The following WWC1 variants were observed in gnomAD, a reference collection of about 807,000 sequenced individuals.
The protein encoded by WWC1 is protein KIBRA.
WWC1 carries 55 observed loss-of-function variants against 138.4 expected under a neutral mutation model. The ratio of observed to expected loss-of-function variants is 0.40; its 90% CI spans 0.32 to 0.50. The LOEUF (loss-of-function observed/expected upper bound fraction) is 0.50, where lower values mean the gene tolerates loss of function less well. Ranked by LOEUF, WWC1 falls within the 20% of genes least tolerant of loss-of-function variation. The probability of loss-of-function intolerance (pLI) is 0.72; values close to 1 mark genes in which losing one functional copy is unlikely to be tolerated. For synonymous variants in WWC1, 524 were observed against 564.9 expected, an observed-to-expected ratio of 0.93 and a Z score of 1.03; for missense variants, 1,226 against 1,420.4, an observed-to-expected ratio of 0.86 and a Z score of 2.20.
chr5:168,390,816 T>C (rs1778429225), intron 3 of WWC1, among the ~76,000 whole-genome samples: 1 of 152,214 alleles, frequency 6.6e-6, no homozygotes, highest in Admixed American at 6.5e-5. Flanking sequence ...TCTAGCTCCA[T>C]GGGGAAGAAG....
At chr5:168,439,649 C>A (rs561228372) in intron 15 of WWC1, among the ~76,000 whole-genome samples, 1 of 149,026 alleles carries the variant, frequency 6.7e-6, no homozygotes, top group African/African-American at 2.5e-5. Context: ...AAAAAAAAAT[C>A]TTTCGCTATT....
chr5:168,416,580 G>C (rs1308207053), intron 9 of WWC1: 1 of 152,182 alleles, frequency 6.6e-6, no homozygotes, highest in Non-Finnish European at 1.5e-5. Context: ...CTTGCTCCCA[G>C]ACCCTGTAAT....
At chr5:168,356,434 C>A (rs1212428651) in intron 1 of WWC1, among the ~76,000 whole-genome samples, 1 of 152,182 alleles carries the variant, frequency 6.6e-6, no homozygotes, top group Non-Finnish European at 1.5e-5. Flanking sequence ...GTGTTGGTGT[C>A]CATAGGAAAA....
At chr5:168,442,926 G>A (rs1349454404) in intron 16 of WWC1, among the ~76,000 whole-genome samples, 1 of 151,862 alleles carries the variant, frequency 6.6e-6, no homozygotes, top group Non-Finnish European at 1.5e-5. Flanking sequence ...AGCGCAGTAC[G>A]CTTTAATGTA....
At chr5:168,452,531 T>C (rs1755924849) in intron 17 of WWC1, among the ~76,000 whole-genome samples, 1 of 152,232 alleles carries the variant, frequency 6.6e-6, no homozygotes, top group Admixed American at 6.5e-5. Context: ...TCAAACCTGC[T>C]GACACCTTGA....
intron 1 of WWC1, among the ~76,000 whole-genome samples, chr5:168,333,786 G>A (rs1382774685): frequency 6.6e-6 from 1 of 152,008 alleles, no homozygotes; most frequent in Non-Finnish European, 1.5e-5. Flanking sequence ...TCTATGCTGA[G>A]GACTCAGAAA....
At chr5:168,338,082 G>A (rs1161994970) in intron 1 of WWC1, among the ~76,000 whole-genome samples, 3 of 152,028 alleles carry the variant, frequency 2.0e-5, no homozygotes, top group East Asian at 2.0e-4. Context: ...AGGCCAAGGT[G>A]GGCAGATCAC....
chr5:168,369,763 C>T (rs565577998), intron 1 of WWC1, among the ~76,000 whole-genome samples: 2 of 152,268 alleles, frequency 1.3e-5, no homozygotes, highest in South Asian at 2.1e-4. Flanking sequence ...CCAGCTGGGG[C>T]TCTTTCAGCA....
intron 17 of WWC1, among the ~76,000 whole-genome samples, chr5:168,450,554 T>C (rs537811111): frequency 6.6e-6 from 1 of 152,058 alleles, no homozygotes; most frequent in Non-Finnish European, 1.5e-5. Flanking sequence ...TAATCCCAGC[T>C]ACTCGGGAGG....
chr5:168,408,028 A>ATTTTTT (rs1181472544), intron 6 of WWC1, among the ~76,000 whole-genome samples: 7 of 117,448 alleles, frequency 6.0e-5, no homozygotes, highest in African/African-American at 1.3e-4. Flanking sequence ...ACATCCAGCT[A>ATTTTTT]TTTTTTTTTT....
chr5:168,381,216 T>G lies in WWC1; in HGVS notation c.230-3995T>G, dbSNP rs186728331. 7.2e-5 allele frequency among the ~76,000 whole-genome samples: 11 copies of G among 152,312 alleles called. No individual in the cohort carries two copies. The East Asian group carries it at 1.9e-3, about 27-fold the overall frequency. The stretch of plus-strand genomic sequence containing the variant: ...CACAAAAAATGGTCGCCAAGCCACC[T>G]GGCTTGGCCAGACCTTCAGGTAAGG... On this transcript the variant is annotated intron_variant, in intron 2 of 22. Transcript: ENST00000265293.
chr5:168,430,801 G>T (rs1280323149), intron 14 of WWC1, among the ~76,000 whole-genome samples: 2 of 152,172 alleles, frequency 1.3e-5, no homozygotes, highest in Non-Finnish European at 2.9e-5. Context: ...TGATCGTAAG[G>T]CCTGGAGGGT....
chr5:168,464,775 C>T lies in WWC1; in HGVS notation c.2963C>T (p.Ser988Leu), dbSNP rs375515361. The T allele has an allele frequency of 3.7e-6, 6 of 1,614,182 alleles. No homozygotes were observed. The highest frequency in any genetic ancestry group is 5.1e-6 in the Non-Finnish European group (6 of 1,180,032). The change falls in exon 21 of 23, where the codon TCG becomes TTG. Residue 988 changes from serine to leucine, a missense_variant. Transcript: ENST00000265293. ...CGCTCCGAGCGTCTGATCCGTACCT[C>T]GCTGGACCTGGAGTTAGACCTGCAG... Reference protein sequence around the residue: ...SLRSERLIRTSLDLELDLQAT... With the variant: ...SLRSERLIRTLLDLELDLQAT...
chr5:168,407,479 T>C (rs1779882937), intron 6 of WWC1, among the ~76,000 whole-genome samples: 1 of 152,192 alleles, frequency 6.6e-6, no homozygotes, highest in African/African-American at 2.4e-5. Context: ...TCAGAGATGC[T>C]ATAAATGACT....
intron 1 of WWC1, among the ~76,000 whole-genome samples, chr5:168,295,483 C>CGT (rs3138761): frequency 0.18 from 25,886 of 142,386 alleles, 2,445 homozygotes; most frequent in Non-Finnish European, 0.22. Flanking sequence ...ATTTCTACTC[C>CGT]GTGTGTGTGT....
At chr5:168,359,101 G>T (rs968793460) in intron 1 of WWC1, among the ~76,000 whole-genome samples, 1 of 150,872 alleles carries the variant, frequency 6.6e-6, no homozygotes, top group East Asian at 1.9e-4. Flanking sequence ...TGTCACCCAG[G>T]CTGGAGTGCA....
At chr5:168,440,669 C>T (rs1440059327) in intron 15 of WWC1, among the ~76,000 whole-genome samples, 1 of 152,138 alleles carries the variant, frequency 6.6e-6, no homozygotes, top group Admixed American at 6.5e-5. Flanking sequence ...AGGCATACGC[C>T]ACCACGCTCG....
intron 1 of WWC1, among the ~76,000 whole-genome samples, chr5:168,346,762 A>G (rs1011675291): frequency 3.3e-5 from 5 of 152,220 alleles, no homozygotes; most frequent in African/African-American, 9.6e-5. Context: ...GTGGTGGCTT[A>G]GAAATGATTG....
intron 8 of WWC1, 74 bp downstream of exon 8, chr5:168,410,069 T>C: frequency 7.0e-7 from 1 of 1,426,112 alleles, no homozygotes; most frequent in Non-Finnish European, 9.9e-7. Flanking sequence ...TGCTCTGTGC[T>C]TAGCTTTTCA....
Sources: allele counts gnomAD v4.1 joint callset (sites outside exome capture counted in the v4.1 genomes callset), GRCh38; gene constraint gnomAD v4.1.1; transcripts MANE v1.5; gene names NCBI Gene and HGNC (gene_info 2026-07-23, HGNC 2026-07-21).